Variants in ATP13A1 observed in about 807,000 individuals in gnomAD.
The protein encoded by ATP13A1 is endoplasmic reticulum transmembrane helix translocase.
ATP13A1 carries 55 observed loss-of-function variants against 134.8 expected under a neutral mutation model. The ratio of observed to expected loss-of-function variants is 0.41; its 90% CI spans 0.33 to 0.51. The LOEUF (loss-of-function observed/expected upper bound fraction) is 0.51, where lower values mean the gene tolerates loss of function less well. Ranked by LOEUF, ATP13A1 falls within the 20% of genes least tolerant of loss-of-function variation. The pLI, the probability that ATP13A1 is intolerant of heterozygous loss-of-function variation, is 0.29. For missense variants in ATP13A1, 1,389 were observed against 1,652.8 expected (o/e 0.84, Z 2.77); for synonymous variants, 775 against 725.1 (o/e 1.07, Z -1.10).
intron 1 of ATP13A1, among the ~76,000 whole-genome samples, chr19:19,661,525 T>C (rs1351011733): frequency 6.6e-6 from 1 of 152,190 alleles, no homozygotes; most frequent in African/African-American, 2.4e-5. Flanking sequence ...TTCCCGGCAA[T>C]GTCCCATCCT....
rs1599426540 is a variant in ATP13A1 at position 19,647,290 on chromosome 19, C to G, written c.2944G>C (p.Val982Leu). The G allele has an allele frequency of 6.2e-7, 1 of 1,613,424 alleles. No homozygotes were observed. The highest frequency in any genetic ancestry group is 8.5e-7 in the Non-Finnish European group (1 of 1,179,770). Residue 982 changes from valine to leucine, a missense_variant, in exon 22 of 26, where the codon GTG becomes CTG. Around this residue, in one of 4 missense-constraint regions of ATP13A1, gnomAD observed 228 missense variants for 321.0 expected, o/e 0.71. Coordinates refer to ENST00000357324, the MANE Select transcript of ATP13A1 (RefSeq NM_020410.3). This position sits in a 1 kb window ranked among gnomAD's most constrained non-coding sequence, Gnocchi z 4.8. ...ATCTTGAACATCTGTAGCGTGGTCA[C>G]CAGCGTGCAGCGGCCCTGCTTGATC... The part of the protein sequence containing the change: ...HVIKQGRCTL[V>L]TTLQMFKILA...
At position 19,655,681 on chromosome 19, in the gene ATP13A1, T is replaced by C. The variant is rs2062052785; in HGVS notation, c.1270-27A>G. 6.2e-7 allele frequency: 1 copy of C among 1,605,658 alleles called. No individual in the cohort carries two copies. The highest frequency in any genetic ancestry group is 1.3e-5 in the African/African-American group (1 of 74,778). On this transcript the variant is annotated intron_variant, in intron 9 of 25. Coordinates refer to ENST00000357324, the MANE Select transcript of ATP13A1 (RefSeq NM_020410.3). The surrounding 1 kb of genome is among the most constrained non-coding windows in gnomAD (Gnocchi z 5.7). ...TGGAGGAATGGAGGAACAGCCTTTC[T>C]GCTGTCTGGACTCCCTCCAGCAGCT...
Position 19,656,652 on chromosome 19 carries a change from C to A in ATP13A1, c.1083+8G>T. 6.2e-7 allele frequency: 1 copy of A among 1,612,332 alleles called. No individual in the cohort carries two copies. ...ACAGCTTGAGGATCCCCATCCTCCACCAAGTACCTTCATCTGTGGCACGGA... is the reference window on the plus strand; with the variant it reads ...ACAGCTTGAGGATCCCCATCCTCCAACAAGTACCTTCATCTGTGGCACGGA... On this transcript the variant is annotated splice_region_variant and intron_variant, in intron 7 of 25. Coordinates refer to ENST00000357324, the MANE Select transcript of ATP13A1 (RefSeq NM_020410.3). The surrounding 1 kb of genome is among the most constrained non-coding windows in gnomAD (Gnocchi z 4.6).
At chr19:19,646,710 T>C (rs1217755485) in intron 22 of ATP13A1, 4 of 388,760 alleles carry the variant, frequency 1.0e-5, no homozygotes, top group Admixed American at 7.8e-5. Context: ...CCATGCCTGT[T>C]TGGGGCCTTT....
chr19:19,654,101 T>C lies in ATP13A1; in HGVS notation c.1857A>G (p.Lys619=), dbSNP rs2062041879. The change falls in exon 14 of 26, where the codon AAA becomes AAG. Residue 619 remains lysine (K), a synonymous_variant. Transcript: ENST00000357324. ...TGGCAAAATGAAAGCGCTGGTGAAT[T>C]TTCAGCCCCTGAGTTTTAATACTTC... ...FPRSIKTQGL[K]IHQRFHFASA... is the part of the protein sequence containing the mutation. 6.3e-7 allele frequency: 1 copy of C among 1,592,766 alleles called. No homozygotes were observed. Among genetic ancestry groups the C allele is most frequent in the African/African-American group, 1.3e-5 (1 of 74,518 alleles).
At position 19,653,864 on chromosome 19, in the gene ATP13A1, T is replaced by A; in HGVS notation, c.2020A>T (p.Ile674Phe). Residue 674 changes from isoleucine to phenylalanine, a missense_variant, in exon 15 of 26, where the codon ATC becomes TTC. By Grantham distance (21) the Ile-to-Phe change is conservative. Around this residue, in one of 4 missense-constraint regions of ATP13A1, gnomAD observed 747 missense variants for 956.1 expected, o/e 0.78. Coordinates refer to ENST00000357324, the MANE Select transcript of ATP13A1 (RefSeq NM_020410.3). This position sits in a 1 kb window ranked among gnomAD's most constrained non-coding sequence, Gnocchi z 4.2. Reference sequence around the variant, plus strand: ...CCTTCCCGGGAGATCTCGGTGTGGATGTGGTGGTAGTCGGGCGGGCACTGG... The same window carrying A: ...CCTTCCCGGGAGATCTCGGTGTGGAAGTGGTGGTAGTCGGGCGGGCACTGG... ...FSQCPPDYHH[I>F]HTEISREGAR... 6.4e-7 allele frequency: 1 copy of A among 1,566,348 alleles called. No homozygotes were observed. The highest frequency in any genetic ancestry group is 1.2e-5 in the South Asian group (1 of 85,080).
Position 19,645,376 on chromosome 19 carries a change from C to A in ATP13A1, c.*46G>T. On this transcript the variant is annotated 3_prime_UTR_variant, in exon 26 of 26. Coordinates refer to ENST00000357324, the MANE Select transcript of ATP13A1 (RefSeq NM_020410.3). The surrounding 1 kb of genome is among the most constrained non-coding windows in gnomAD (Gnocchi z 4.1). ...CCTCCCGGGGCCCTGTTGGGGTTCC[C>A]GCCCAGCGGCAGCCAGGGTGGGCAG... The A allele has an allele frequency of 6.4e-7, 1 of 1,551,400 alleles. No individual in the cohort carries two copies. Among genetic ancestry groups the A allele is most frequent in the Non-Finnish European group, 8.7e-7 (1 of 1,146,702 alleles).
At position 19,645,330 on chromosome 19, in the gene ATP13A1, G is replaced by T. The variant is rs996239495; in HGVS notation, c.*92C>A. 7 of 1,354,330 alleles carry T rather than the reference G, an allele frequency of 5.2e-6. No individual in the cohort carries two copies. Among genetic ancestry groups the T allele is most frequent in the Admixed American group, 4.0e-5 (2 of 49,696 alleles). 83.9% of individuals were successfully genotyped at this position (1,354,330 alleles called of 1,614,324 possible). ...GGGCGAGACTGTACAGCCTTGCTGT[G>T]GGGGGTTGGGGGCAGGGTTCCCTCC... On this transcript the variant is annotated 3_prime_UTR_variant, in exon 26 of 26. Coordinates refer to ENST00000357324, the MANE Select transcript of ATP13A1 (RefSeq NM_020410.3). The surrounding 1 kb of genome is among the most constrained non-coding windows in gnomAD (Gnocchi z 4.1).
chr19:19,648,761 A>C (rs967329516), intron 19 of ATP13A1, among the ~76,000 whole-genome samples: 3 of 138,034 alleles, frequency 2.2e-5, no homozygotes, highest in African/African-American at 8.4e-5. Context: ...GTGAGCTGAG[A>C]CCGTGCTATT....
rs780602859 is a variant in ATP13A1 at position 19,652,597 on chromosome 19, G to A, written c.2224C>T (p.Arg742Trp). 21 of 1,607,606 alleles carry A rather than the reference G, an allele frequency of 1.3e-5. No homozygotes were observed. In the Admixed American group the frequency reaches 2.4e-4, roughly 18 times the overall value. Residue 742 changes from arginine to tryptophan, a missense_variant and splice_region_variant, in exon 16 of 26, where the codon CGG becomes TGG. By Grantham distance (101) the Arg-to-Trp change is moderately radical (BLOSUM62 -3). This residue lies in a region of ATP13A1 where 747 missense variants were observed against 956.1 expected (regional missense o/e 0.78). Coordinates refer to ENST00000357324, the MANE Select transcript of ATP13A1 (RefSeq NM_020410.3). ...VIREIQNASH[R>W]VVMITGDNPL... ...TGGAGCCGAGCACCGTCCCATACCC[G>A]GTGGGACGCATTCTGGATCTCCCGG...
chr19:19,656,230 C>T lies in ATP13A1; in HGVS notation c.1084-47G>A. The T allele has an allele frequency of 1.3e-6, 2 of 1,556,804 alleles. No individual in the cohort carries two copies. The highest frequency in any genetic ancestry group is 1.7e-6 in the Non-Finnish European group (2 of 1,150,440). ...CTGGATGGCCAGGCCTACCTTGCTT[C>T]CTTCTCCATCTGAGTTCCTGGACAG... On this transcript the variant is annotated intron_variant, in intron 7 of 25. Transcript: ENST00000357324. This position sits in a 1 kb window ranked among gnomAD's most constrained non-coding sequence, Gnocchi z 4.6.
In ATP13A1 at chr19:19,645,255, T is replaced by C; in HGVS notation, c.*167A>G. ...AAAGGTGCTGGCTTGGGGCTGGTTC[T>C]GCTGGCCAAGCCAGCGGATGGCTGT... is the stretch of plus-strand genomic sequence containing the variant. On this transcript the variant is annotated 3_prime_UTR_variant, in exon 26 of 26. Coordinates refer to ENST00000357324, the MANE Select transcript of ATP13A1 (RefSeq NM_020410.3). The surrounding 1 kb of genome is among the most constrained non-coding windows in gnomAD (Gnocchi z 4.1). 1 of 738,310 alleles carries C rather than the reference T, an allele frequency of 1.4e-6. No homozygotes were observed. The highest frequency in any genetic ancestry group is 2.2e-6 in the Non-Finnish European group (1 of 450,414). The allele number at this position is 738,310 out of a possible 1,614,324, so 45.7% of individuals were successfully genotyped here.
rs1356071347 is a variant in ATP13A1 at position 19,649,683 on chromosome 19, C to G, written c.2536-20G>C. The G allele has an allele frequency of 1.9e-6, 3 of 1,613,738 alleles. No individual in the cohort carries two copies. The Admixed American group carries it at 5.0e-5, about 27-fold the overall frequency. Reference sequence around the variant, plus strand: ...AAACTCCTGTATGGGCGGAGACAGGCTGAGCAGGGGCTGCGTGCCTACCGC... The same window carrying G: ...AAACTCCTGTATGGGCGGAGACAGGGTGAGCAGGGGCTGCGTGCCTACCGC... On this transcript the variant is annotated intron_variant, in intron 18 of 25. Transcript: ENST00000357324.
chr19:19,663,645 C>A lies in ATP13A1; in HGVS notation c.22G>T (p.Gly8Cys), dbSNP rs1416358897. 1.5e-6 allele frequency: 2 copies of A among 1,298,364 alleles called. No individual in the cohort carries two copies. Among genetic ancestry groups the A allele is most frequent in the Admixed American group, 3.7e-5 (1 of 26,938 alleles). The allele number at this position is 1,298,364 out of a possible 1,614,324, so 80.4% of individuals were successfully genotyped here. A position where few individuals can be genotyped will look rare whatever the true frequency, so the allele number is the denominator to read the frequency against. The change falls in exon 1 of 26, where the codon GGC becomes TGC. Residue 8 changes from glycine (G) to cysteine (C), a missense_variant. Physicochemically the swap from Gly to Cys is radical, Grantham distance 159. This residue lies in a region of ATP13A1 where 293 missense variants were observed against 270.8 expected (regional missense o/e 1.08). Transcript: ENST00000357324. MAAAAAV[G>C]NAVPCGARPC... ...CGGGCCCCGCAGGGCACCGCGTTGC[C>A]CACCGCCGCCGCTGCCGCCATCTTT...
chr19:19,651,333 A>G (rs576165027), intron 17 of ATP13A1: 5 of 178,004 alleles, frequency 2.8e-5, no homozygotes, highest in Non-Finnish European at 4.7e-5. Flanking sequence ...CACTCGGTAC[A>G]TGGGCAGCTT....
At chr19:19,646,041 G>A (rs953322510) in intron 23 of ATP13A1, 56 bp from the exon 24 acceptor site, 2 of 1,601,202 alleles carry the variant, frequency 1.2e-6, no homozygotes, top group African/African-American at 2.7e-5. Context: ...CACACACACT[G>A]TGTGGCTTCC....
intron 4 of ATP13A1, 42 bp downstream of exon 4, chr19:19,657,294 C>T: frequency 6.5e-7 from 1 of 1,545,874 alleles, no homozygotes; most frequent in Non-Finnish European, 8.7e-7. Context: ...AGGAAAGCCC[C>T]AAGGGAGGAA....
rs1223510210 is a variant in ATP13A1 at position 19,645,362 on chromosome 19, CCT to C, written c.*58_*59del. 3.9e-6 allele frequency: 6 copies of C among 1,529,270 alleles called. No homozygotes were observed. The highest frequency in any genetic ancestry group is 5.3e-6 in the Non-Finnish European group (6 of 1,128,592). 94.7% of individuals were successfully genotyped at this position (1,529,270 alleles called of 1,614,324 possible). A position where few individuals can be genotyped will look rare whatever the true frequency, so the allele number is the denominator to read the frequency against. Reference sequence around the variant, plus strand: ...TGGGGGCAGGGTTCCCTCCCGGGGCCCTGTTGGGGTTCCCGCCCAGCGGCAGC... The same window carrying C: ...TGGGGGCAGGGTTCCCTCCCGGGGCCGTTGGGGTTCCCGCCCAGCGGCAGC... On this transcript the variant is annotated 3_prime_UTR_variant, in exon 26 of 26. Transcript: ENST00000357324. This position sits in a 1 kb window ranked among gnomAD's most constrained non-coding sequence, Gnocchi z 4.1.
At chr19:19,648,993 G>A (rs1322411350) in intron 19 of ATP13A1, among the ~76,000 whole-genome samples, 3 of 151,646 alleles carry the variant, frequency 2.0e-5, no homozygotes, top group Non-Finnish European at 2.9e-5. Flanking sequence ...ATGGTGGCAC[G>A]TGCCTGTAAT....
Sources: gnomAD v4.1 joint callset for allele counts (sites outside exome capture counted in the v4.1 genomes callset) on GRCh38, gnomAD v4.1.1 for gene constraint, gnomAD v4.1.1 regional missense constraint, Gnocchi (gnomAD v3.1) non-coding constraint, MANE v1.5 for transcripts, NCBI Gene and HGNC (gene_info 2026-07-23, HGNC 2026-07-21) for gene names.